Variants in CPVL observed in about 807,000 individuals in gnomAD.
CPVL encodes the protein carboxypeptidase vitellogenic like.
Under a neutral mutation model 63.7 loss-of-function variants are expected in CPVL, and 51 were observed. The ratio of observed to expected loss-of-function variants is 0.80; its 90% CI spans 0.64 to 1.01. The LOEUF (loss-of-function observed/expected upper bound fraction) is 1.01. Among genes scored for constraint, CPVL ranks in the 50% least tolerant of loss-of-function variants. The probability of loss-of-function intolerance (pLI) is 0.00; values close to 1 mark genes in which losing one functional copy is unlikely to be tolerated. For synonymous variants in CPVL, 195 were observed against 206.0 expected (o/e 0.95, Z 0.46); for missense variants, 530 against 573.1 (o/e 0.92, Z 0.77).
At chr7:29,111,032 C>A (rs1788175904) in intron 3 of CPVL, among the ~76,000 whole-genome samples, 1 of 152,210 alleles carries the variant, frequency 6.6e-6, no homozygotes, top group Non-Finnish European at 1.5e-5. Flanking sequence ...GTACCACAAC[C>A]CTACTGGTCC....
intron 5 of CPVL, among the ~76,000 whole-genome samples, chr7:29,159,828 AATT>A (rs1172274536): frequency 6.6e-6 from 1 of 152,188 alleles, no homozygotes; most frequent in African/African-American, 2.4e-5. Flanking sequence ...GAAAACAGGA[AATT>A]ATTGTGATTT....
chr7:28,997,478 G>C (rs1250375292), intron 12 of CPVL, among the ~76,000 whole-genome samples: 3 of 152,134 alleles, frequency 2.0e-5, no homozygotes, highest in Non-Finnish European at 2.9e-5. Context: ...CAACCTTGAC[G>C]TGCAGTAAGT....
At chr7:29,010,147 C>T (rs1037027937) in intron 12 of CPVL, 1 of 152,012 alleles carries the variant, frequency 6.6e-6, no homozygotes, top group African/African-American at 2.4e-5. Context: ...GATGACAGAG[C>T]CGGTGCCAGA....
rs1304119989 is a variant in CPVL at position 28,995,523 on chromosome 7, T to G, written c.*249A>C. 2.6e-6 allele frequency: 1 copy of G among 384,542 alleles called. No homozygotes were observed. Among genetic ancestry groups the G allele is most frequent in the African/African-American group, 2.1e-5 (1 of 46,648 alleles). The allele number at this position is 384,542 out of a possible 1,614,324, so 23.8% of individuals were successfully genotyped here. A position where few individuals can be genotyped will look rare whatever the true frequency, so the allele number is the denominator to read the frequency against. ...ATTTCATTTATACATCTTGTCTCAG[T>G]GTCACATCATCCATACCTTTCATCC... On this transcript the variant is annotated 3_prime_UTR_variant, in exon 13 of 13. Transcript: ENST00000265394.
chr7:29,068,262 A>G (rs12700922), intron 9 of CPVL, among the ~76,000 whole-genome samples: 71,370 of 151,768 alleles, frequency 0.47, 20,275 homozygotes, highest in Non-Finnish European at 0.63. Flanking sequence ...TGATCTGCCC[A>G]CCTCGGCCTC....
At chr7:29,114,743 C>T (rs1314085935) in intron 2 of CPVL, among the ~76,000 whole-genome samples, 1 of 152,196 alleles carries the variant, frequency 6.6e-6, no homozygotes, top group African/African-American at 2.4e-5. Context: ...ACCCACCATA[C>T]AGGCATTTAA....
At chr7:29,131,168 CT>C (rs1417224106) in intron 1 of CPVL, among the ~76,000 whole-genome samples, 1 of 151,488 alleles carries the variant, frequency 6.6e-6, no homozygotes, top group Admixed American at 6.6e-5. Context: ...GAGACTCCGT[CT>C]CAAAAAATAA....
intron 1 of CPVL, among the ~76,000 whole-genome samples, chr7:29,132,071 G>C (rs1304123378): frequency 1.3e-5 from 2 of 152,256 alleles, no homozygotes; most frequent in African/African-American, 2.4e-5. Flanking sequence ...AAACGGAATA[G>C]AGAGGAAAGG....
rs146409994 is a variant in CPVL at position 29,050,011 on chromosome 7, A to G, written c.1137+14050T>C. On this transcript the variant is annotated intron_variant, in intron 11 of 12. Coordinates refer to ENST00000265394, the MANE Select transcript of CPVL (RefSeq NM_031311.5). The stretch of plus-strand genomic sequence containing the variant: ...TCAGCAAAATTGGCATACAAGGGAC[A>G]TACCTCAATGTAATAAAAGCCAACA... Among the ~76,000 whole-genome samples, 482 of 152,222 alleles carry G rather than the reference A, an allele frequency of 3.2e-3. 3 individuals are homozygous for G. Among genetic ancestry groups the G allele is most frequent in the African/African-American group, 0.011 (457 of 41,562 alleles).
At chr7:29,054,489 G>A (rs1790514848) in intron 11 of CPVL, among the ~76,000 whole-genome samples, 1 of 152,104 alleles carries the variant, frequency 6.6e-6, no homozygotes, top group Non-Finnish European at 1.5e-5. Context: ...CAGTCTGATT[G>A]TCCTCCTTTT....
chr7:29,107,766 T>A (rs1305465437), intron 3 of CPVL, among the ~76,000 whole-genome samples: 3 of 152,180 alleles, frequency 2.0e-5, no homozygotes, highest in Admixed American at 6.5e-5. Flanking sequence ...CAGTAGCACA[T>A]TTGGGAATTC....
At chr7:29,108,868 C>T (rs893311476) in intron 3 of CPVL, among the ~76,000 whole-genome samples, 4 of 152,312 alleles carry the variant, frequency 2.6e-5, no homozygotes, top group South Asian at 4.1e-4. Context: ...GTAGTCTTGG[C>T]CACTATACTC....
At chr7:29,051,835 C>A (rs910148996) in intron 11 of CPVL, among the ~76,000 whole-genome samples, 1 of 151,486 alleles carries the variant, frequency 6.6e-6, no homozygotes, top group Non-Finnish European at 1.5e-5. Context: ...ATCCGTGGAA[C>A]CAAAACCAAC....
chr7:29,082,890 A>T (rs977864433), intron 7 of CPVL, among the ~76,000 whole-genome samples: 4 of 152,212 alleles, frequency 2.6e-5, no homozygotes, highest in Admixed American at 2.6e-4. Flanking sequence ...ATTATTTCCA[A>T]GACAAGGCAT....
At chr7:29,124,479 T>C (rs115904727) in intron 1 of CPVL, among the ~76,000 whole-genome samples, 3,304 of 152,230 alleles carry the variant, frequency 0.022, 132 homozygotes, top group African/African-American at 0.075. Flanking sequence ...GTATATAATT[T>C]GCTAAAATTG....
rs146425768 is a variant in CPVL at position 29,163,744 on chromosome 7, A to G, written c.-11+17546T>C. Among the ~76,000 whole-genome samples the G allele has an allele frequency of 3.3e-3, 509 of 152,282 alleles. 2 individuals are homozygous for G. The highest frequency in any genetic ancestry group is 0.012 in the African/African-American group (486 of 41,562). Reference sequence around the variant, plus strand: ...AATTGCTGATCAGCTTTCCATTACTATAGATTAGCTTGCATTTTTAAAATT... The same window carrying G: ...AATTGCTGATCAGCTTTCCATTACTGTAGATTAGCTTGCATTTTTAAAATT... On this transcript the variant is annotated intron_variant, in intron 5 of 16. Transcript: ENST00000409850.
intron 11 of CPVL, among the ~76,000 whole-genome samples, chr7:29,045,828 A>G (rs10486604): frequency 6.6e-6 from 1 of 152,084 alleles, no homozygotes; most frequent in Non-Finnish European, 1.5e-5. Flanking sequence ...ATTTGCTGGA[A>G]TATTTACCTT....
intron 6 of CPVL, among the ~76,000 whole-genome samples, chr7:29,091,319 G>A (rs906070615): frequency 1.3e-5 from 2 of 151,850 alleles, no homozygotes; most frequent in East Asian, 1.9e-4. Context: ...GGGGCCCGAT[G>A]CATCTCTTCA....
intron 10 of CPVL, among the ~76,000 whole-genome samples, chr7:29,064,622 T>C (rs191617914): frequency 6.6e-6 from 1 of 152,282 alleles, no homozygotes; most frequent in Non-Finnish European, 1.5e-5. Flanking sequence ...GAAGGTCAAA[T>C]GGATCACAAG....
Sources: gnomAD v4.1 joint callset for allele counts (sites outside exome capture counted in the v4.1 genomes callset) on GRCh38, gnomAD v4.1.1 for gene constraint, MANE v1.5 for transcripts, NCBI Gene and HGNC (gene_info 2026-07-23, HGNC 2026-07-21) for gene names.